SORCS2: variants seen among roughly 807,000 people sequenced by gnomAD.
SORCS2 encodes the protein VPS10 domain-containing receptor SorCS2.
SORCS2 carries 100 observed loss-of-function variants against 141.6 expected under a neutral mutation model. The ratio of observed to expected loss-of-function variants is 0.71; its 90% CI spans 0.60 to 0.83. The LOEUF (loss-of-function observed/expected upper bound fraction) is 0.83. Ranked by LOEUF, SORCS2 falls within the 40% of genes least tolerant of loss-of-function variation. The pLI is 0.00. For synonymous variants in SORCS2, 789 were observed against 676.9 expected, an observed-to-expected ratio of 1.17 and a Z score of -2.57; for missense variants, 1,646 against 1,560.2, an observed-to-expected ratio of 1.05 and a Z score of -0.93.
intron 14 of SORCS2, among the ~76,000 whole-genome samples, chr4:7,708,553 C>T (rs1373351551): frequency 1.3e-5 from 2 of 152,156 alleles, no homozygotes; most frequent in African/African-American, 2.4e-5. Flanking sequence ...TTCAGCGCCC[C>T]GGGAGAACAG....
rs116237359 is a variant in SORCS2, at chr4:7,238,882, C to T, written c.480+45756C>T. Among the ~76,000 whole-genome samples the T allele has an allele frequency of 5.8e-3, 877 of 152,322 alleles. 8 individuals are homozygous for T. Among genetic ancestry groups the T allele is most frequent in the African/African-American group, 0.02 (823 of 41,570 alleles). Reference sequence around the variant, plus strand: ...CTGTCCCGGCCATGTGGCTGTGGCACTCTTTACCACTGCTGGCCTGTCACC... The same window carrying T: ...CTGTCCCGGCCATGTGGCTGTGGCATTCTTTACCACTGCTGGCCTGTCACC... On this transcript the variant is annotated intron_variant, in intron 1 of 26. Coordinates refer to ENST00000507866, the MANE Select transcript of SORCS2 (RefSeq NM_020777.3).
intron 2 of SORCS2, among the ~76,000 whole-genome samples, chr4:7,425,380 A>G (rs35791045): frequency 0.11 from 17,079 of 152,124 alleles, 1,216 homozygotes; most frequent in Non-Finnish European, 0.16. Context: ...TTGCCTGTGG[A>G]AGGTGCACTC....
chr4:7,325,475 G>A (rs1352391049), intron 1 of SORCS2, among the ~76,000 whole-genome samples: 1 of 152,194 alleles, frequency 6.6e-6, no homozygotes, highest in Non-Finnish European at 1.5e-5. Context: ...ATTCCTGAAA[G>A]GAGAAATTTG....
chr4:7,467,676 G>A (rs1242052531), intron 2 of SORCS2, among the ~76,000 whole-genome samples: 1 of 152,154 alleles, frequency 6.6e-6, no homozygotes, highest in African/African-American at 2.4e-5. Context: ...TCAGCCCTAG[G>A]CTCCAGTCCC....
chr4:7,318,529 C>T (rs1017024372), intron 1 of SORCS2, among the ~76,000 whole-genome samples: 1 of 152,222 alleles, frequency 6.6e-6, no homozygotes, highest in Non-Finnish European at 1.5e-5. Context: ...GCCTGTGCAA[C>T]TCACTTTAAC....
At chr4:7,729,292 C>T (rs2148890979) in intron 22 of SORCS2, among the ~76,000 whole-genome samples, 1 of 152,206 alleles carries the variant, frequency 6.6e-6, no homozygotes. Flanking sequence ...GGTGCTGGTG[C>T]TCACTCTAGT....
intron 10 of SORCS2, among the ~76,000 whole-genome samples, chr4:7,686,538 G>A (rs75531373): frequency 0.029 from 4,370 of 152,320 alleles, 101 homozygotes; most frequent in Middle Eastern, 0.058. Flanking sequence ...CAACACTGGA[G>A]CATTCTGCAT....
rs55667900 is a variant in SORCS2, at chr4:7,360,997, C to G, written c.481-35291C>G. Among the ~76,000 whole-genome samples, 376 of 152,172 alleles carry G rather than the reference C, an allele frequency of 2.5e-3. 1 individual carries two copies. The highest frequency in any genetic ancestry group is 3.5e-3 in the Admixed American group (53 of 15,296). On this transcript the variant is annotated intron_variant, in intron 1 of 26. Transcript: ENST00000507866. ...GCTCTTGCATCAGGCTTCTCCATCC[C>G]CTTGCAACTGGAAGCTCCCTGGAGC...
At chr4:7,673,384 G>A (rs112188609) in intron 8 of SORCS2, among the ~76,000 whole-genome samples, 1,861 of 152,348 alleles carry the variant, frequency 0.012, 44 homozygotes, top group African/African-American at 0.042. Flanking sequence ...CCATCTCGCA[G>A]TTATGTTGAG....
chr4:7,487,924 G>A (rs937164684), intron 2 of SORCS2, among the ~76,000 whole-genome samples: 10 of 152,140 alleles, frequency 6.6e-5, no homozygotes. Flanking sequence ...ATAGCCTGAT[G>A]TCTACAAAGG....
chr4:7,305,275 C>A (rs1415254836), intron 1 of SORCS2, among the ~76,000 whole-genome samples: 1 of 152,140 alleles, frequency 6.6e-6, no homozygotes, highest in Non-Finnish European at 1.5e-5. Flanking sequence ...TCGTGATCTG[C>A]CCGCCTCGGC....
chr4:7,683,317 C>A lies in SORCS2; in HGVS notation c.1488+428C>A, dbSNP rs116118458. Among the ~76,000 whole-genome samples the A allele has an allele frequency of 8.7e-3, 1,221 of 139,686 alleles. 23 individuals carry two copies. Among genetic ancestry groups the A allele is most frequent in the African/African-American group, 0.03 (1,148 of 38,548 alleles). The allele number at this position is 139,686 out of a possible 152,430, so 91.6% of individuals were successfully genotyped here. A position where few individuals can be genotyped will look rare whatever the true frequency, so the allele number is the denominator to read the frequency against. On this transcript the variant is annotated intron_variant, in intron 10 of 26. Coordinates refer to ENST00000507866, the MANE Select transcript of SORCS2 (RefSeq NM_020777.3). ...ACCTTGGCTGGGCTCAGCTGAGTGG[C>A]TCTGCTGACCTTGGCTGGGCTCCGC...
chr4:7,407,944 A>T (rs185559602), intron 2 of SORCS2, among the ~76,000 whole-genome samples: 839 of 57,556 alleles, frequency 0.015, 6 homozygotes, highest in African/African-American at 0.04. Flanking sequence ...AATAGAAACA[A>T]AAAAAATTAT....
intron 3 of SORCS2, among the ~76,000 whole-genome samples, chr4:7,561,113 G>T (rs1714507223): frequency 6.6e-6 from 1 of 152,166 alleles, no homozygotes; most frequent in South Asian, 2.1e-4. Flanking sequence ...GTCAGAAGCT[G>T]GGTGTCATTC....
intron 3 of SORCS2, among the ~76,000 whole-genome samples, chr4:7,632,960 A>G (rs4689811): frequency 0.76 from 115,191 of 152,170 alleles, 43,989 homozygotes; most frequent in East Asian, 0.96. Context: ...CAGGGTGCTC[A>G]ACAAGCAGAT....
At chr4:7,557,539 T>C (rs1714225028) in intron 3 of SORCS2, among the ~76,000 whole-genome samples, 1 of 152,230 alleles carries the variant, frequency 6.6e-6, no homozygotes. Flanking sequence ...AATAACCAAC[T>C]ATGGAGACTG....
At chr4:7,543,421 A>ATCCG (rs1712852585) in intron 3 of SORCS2, among the ~76,000 whole-genome samples, 5 of 150,946 alleles carry the variant, frequency 3.3e-5, no homozygotes, top group South Asian at 2.1e-4. Context: ...CCATCTATCC[A>ATCCG]TCCATCCGTC....
intron 1 of SORCS2, among the ~76,000 whole-genome samples, chr4:7,251,117 C>T (rs1209777808): frequency 6.6e-6 from 1 of 152,210 alleles, no homozygotes; most frequent in African/African-American, 2.4e-5. Flanking sequence ...TTGCAGGTGA[C>T]TGAAGCCCAA....
chr4:7,207,345 C>G (rs1727799630), intron 1 of SORCS2, among the ~76,000 whole-genome samples: 1 of 152,236 alleles, frequency 6.6e-6, no homozygotes. Context: ...CCCTCCCGCC[C>G]ACACAGCCTG....
Sources: gnomAD v4.1 joint callset for allele counts (sites outside exome capture counted in the v4.1 genomes callset) on GRCh38, gnomAD v4.1.1 for gene constraint, MANE v1.5 for transcripts, NCBI Gene and HGNC (gene_info 2026-07-23, HGNC 2026-07-21) for gene names.